The following PTCHD4 variants were observed in gnomAD, a reference collection of about 807,000 sequenced individuals.
The protein encoded by PTCHD4 is patched domain containing 4, also known as patched domain-containing protein 4.
PTCHD4 carries 33 observed loss-of-function variants against 58.1 expected under a neutral mutation model. The ratio of observed to expected loss-of-function variants is 0.57; its 90% CI spans 0.43 to 0.76. PTCHD4 has a LOEUF of 0.76. Ranked by LOEUF, PTCHD4 falls within the 30% of genes least tolerant of loss-of-function variation. The pLI is 0.00. For missense variants in PTCHD4, 1,058 were observed against 1,027.1 expected, an observed-to-expected ratio of 1.03 and a Z score of -0.41; for synonymous variants, 478 against 409.6, an observed-to-expected ratio of 1.17 and a Z score of -2.02.
Position 47,879,748 on chromosome 6 carries a change from C to A in PTCHD4, c.1087G>T (p.Val363Phe), listed in dbSNP as rs750340989. 2 of 1,613,648 alleles carry A rather than the reference C, an allele frequency of 1.2e-6. No individual in the cohort carries two copies. Among genetic ancestry groups the A allele is most frequent in the Non-Finnish European group, 1.7e-6 (2 of 1,179,758 alleles). Residue 363 changes from valine to phenylalanine, a missense_variant, in exon 5 of 5, where the codon GTC (valine) becomes TTC (phenylalanine). Val to Phe is a conservative substitution (Grantham distance 50). Transcript: ENST00000339488. ...SPFTNIEAVK[V>F]FCQNMCVSIL... ...GAGACACACATGTTTTGACAGAAGA[C>A]CTTCACAGCCTCTATGTTTGTGAAT...
intron 3 of PTCHD4, among the ~76,000 whole-genome samples, chr6:48,047,386 C>T (rs981933608): frequency 6.6e-6 from 1 of 151,836 alleles, no homozygotes; most frequent in Admixed American, 6.6e-5. Flanking sequence ...TGCATTTACT[C>T]TCAGTGGACC....
intron 1 of PTCHD4, among the ~76,000 whole-genome samples, chr6:48,095,732 C>CAAAAA (rs112185985): frequency 3.2e-5 from 4 of 124,974 alleles, no homozygotes; most frequent in Admixed American, 1.6e-4. Flanking sequence ...CAAAAGGAAC[C>CAAAAA]AAAAAAAAAA....
chr6:47,929,238 T>C (rs191485152), intron 4 of PTCHD4, among the ~76,000 whole-genome samples: 1 of 152,052 alleles, frequency 6.6e-6, no homozygotes, highest in Non-Finnish European at 1.5e-5. Flanking sequence ...CATACCAAAA[T>C]GAAAACGTTC....
intron 1 of PTCHD4, among the ~76,000 whole-genome samples, chr6:48,097,571 C>T (rs1765500480): frequency 1.3e-5 from 2 of 152,238 alleles, no homozygotes; most frequent in South Asian, 2.1e-4. Context: ...ATCCAACCTG[C>T]CTCTATAAAG....
intron 4 of PTCHD4, among the ~76,000 whole-genome samples, chr6:48,006,450 T>C (rs1762441443): frequency 6.6e-6 from 1 of 152,216 alleles, no homozygotes; most frequent in African/African-American, 2.4e-5. Context: ...TCAGCAGTTT[T>C]AGAAAGCAAC....
At chr6:47,932,675 G>A (rs960711762) in intron 4 of PTCHD4, among the ~76,000 whole-genome samples, 1 of 152,060 alleles carries the variant, frequency 6.6e-6, no homozygotes. Flanking sequence ...GAAAAACACA[G>A]TTTTGAAGGG....
Position 48,058,556 on chromosome 6 carries a change from GA to G in PTCHD4, c.417+9673del, listed in dbSNP as rs560500163. ...AGAATATTAAGAGAATGGATTCTGA[GA>G]AAAAAAATTATTAAAAAATATGCTT... On this transcript the variant is annotated intron_variant, in intron 3 of 4. Transcript: ENST00000339488. Among the ~76,000 whole-genome samples, 89 of 151,754 alleles carry G rather than the reference GA, an allele frequency of 5.9e-4. 1 individual carries two copies. The East Asian group carries it at 0.012, about 20-fold the overall frequency.
At chr6:47,882,741 G>GATATACATATATATATATATAT (rs1554149147) in intron 4 of PTCHD4, among the ~76,000 whole-genome samples, 1 of 102,374 alleles carries the variant, frequency 9.8e-6, no homozygotes. Context: ...TGATTCCAGT[G>GATATACATATATATATATATAT]ATATATATAT....
At chr6:48,071,631 T>A (rs1764976540) in intron 1 of PTCHD4, among the ~76,000 whole-genome samples, 2 of 152,222 alleles carry the variant, frequency 1.3e-5, no homozygotes, top group South Asian at 2.1e-4. Context: ...TTACATTAGT[T>A]TGGTAAATTT....
At chr6:48,048,486 C>T (rs962881397) in intron 3 of PTCHD4, among the ~76,000 whole-genome samples, 2 of 151,892 alleles carry the variant, frequency 1.3e-5, no homozygotes, top group Non-Finnish European at 2.9e-5. Context: ...CTCAGGGCAA[C>T]CTATCTTTCC....
intron 4 of PTCHD4, among the ~76,000 whole-genome samples, chr6:47,914,740 TCTATTATCTATCTATCTATCTATCTATC>T (rs1561954575): frequency 0.014 from 1,998 of 146,156 alleles, 46 homozygotes; most frequent in African/African-American, 0.047. Context: ...CTATTATCTA[TCTATTATCTATCTATCTATCTATCTATC>T]TATCTATCTA....
At chr6:47,974,206 A>G (rs942350238) in intron 4 of PTCHD4, among the ~76,000 whole-genome samples, 5 of 152,220 alleles carry the variant, frequency 3.3e-5, no homozygotes, top group South Asian at 2.1e-4. Flanking sequence ...AAAGAAAACA[A>G]GAGAAAAGTT....
At chr6:47,892,320 TG>T (rs1443074451) in intron 4 of PTCHD4, among the ~76,000 whole-genome samples, 1 of 152,178 alleles carries the variant, frequency 6.6e-6, no homozygotes, top group African/African-American at 2.4e-5. Flanking sequence ...TACAAGAACT[TG>T]CAGAAATAAC....
chr6:48,098,655 G>A (rs1036814649), intron 1 of PTCHD4, among the ~76,000 whole-genome samples: 2 of 152,046 alleles, frequency 1.3e-5, no homozygotes, highest in Non-Finnish European at 2.9e-5. Context: ...TCATGATTAT[G>A]AAATTGATGT....
At position 47,867,418 on chromosome 6, in the gene PTCHD4, G is replaced by A. The variant is rs73475582; in HGVS notation, c.*10885C>T. On this transcript the variant is annotated 3_prime_UTR_variant, in exon 5 of 5. Transcript: ENST00000339488. Reference sequence around the variant, plus strand: ...CAGTTAAAATTCAAAAATAGAGACTGTGTATTTACATTTTGTAAACCATTC... The same window carrying A: ...CAGTTAAAATTCAAAAATAGAGACTATGTATTTACATTTTGTAAACCATTC... Among the ~76,000 whole-genome samples the A allele has an allele frequency of 0.064, 9,780 of 151,768 alleles. 364 individuals carry two copies. Among genetic ancestry groups the A allele is most frequent in the Middle Eastern group, 0.099 (29 of 294 alleles).
At chr6:47,933,104 A>T (rs999174371) in intron 4 of PTCHD4, among the ~76,000 whole-genome samples, 5 of 152,214 alleles carry the variant, frequency 3.3e-5, no homozygotes, top group African/African-American at 1.2e-4. Flanking sequence ...GCAAGTTCCT[A>T]GCCTGCAGGA....
chr6:47,912,769 ATAT>A (rs1338730954), intron 4 of PTCHD4, among the ~76,000 whole-genome samples: 2 of 152,164 alleles, frequency 1.3e-5, no homozygotes, highest in South Asian at 2.1e-4. Context: ...CATTAAAAAA[ATAT>A]TATCTGCAAG....
chr6:48,023,657 T>C (rs1763144538), intron 3 of PTCHD4, among the ~76,000 whole-genome samples: 1 of 152,216 alleles, frequency 6.6e-6, no homozygotes, highest in Admixed American at 6.5e-5. Flanking sequence ...AGGTTGGTTT[T>C]AATTTTCTTC....
At chr6:47,994,042 T>C (rs556771609) in intron 4 of PTCHD4, among the ~76,000 whole-genome samples, 6 of 152,276 alleles carry the variant, frequency 3.9e-5, no homozygotes, top group African/African-American at 1.2e-4. Flanking sequence ...ACTGAAGTTG[T>C]TGCTAGATCA....
Sources: gnomAD v4.1 joint callset for allele counts (sites outside exome capture counted in the v4.1 genomes callset) on GRCh38, gnomAD v4.1.1 for gene constraint, MANE v1.5 for transcripts, NCBI Gene and HGNC (gene_info 2026-07-23, HGNC 2026-07-21) for gene names.